The following JPH1 variants were observed in gnomAD, a reference collection of about 807,000 sequenced individuals.
JPH1 encodes junctophilin 1.
Under a neutral mutation model 53.6 loss-of-function variants are expected in JPH1, and 12 were observed. That is an observed-to-expected ratio of 0.22 (90% CI 0.14 to 0.36). The LOEUF is 0.36. Ranked by LOEUF, JPH1 falls within the 10% of genes least tolerant of loss-of-function variation. JPH1 has a pLI of 1.00. For missense variants in JPH1, 808 were observed against 905.5 expected (o/e 0.89, Z 1.38); for synonymous variants, 375 against 363.8 (o/e 1.03, Z -0.35).
At chr8:74,302,320 T>C (rs1360579890) in intron 2 of JPH1, among the ~76,000 whole-genome samples, 1 of 152,200 alleles carries the variant, frequency 6.6e-6, no homozygotes, top group Non-Finnish European at 1.5e-5. Flanking sequence ...TTACTGCAAA[T>C]TGCTAACTTT....
At chr8:74,271,575 C>T (rs1227168902) in intron 2 of JPH1, among the ~76,000 whole-genome samples, 1 of 152,196 alleles carries the variant, frequency 6.6e-6, no homozygotes, top group Admixed American at 6.5e-5. Context: ...TGAAAAATCC[C>T]CTTCCATTTA....
At chr8:74,293,921 C>T (rs1807417113) in intron 2 of JPH1, among the ~76,000 whole-genome samples, 1 of 152,202 alleles carries the variant, frequency 6.6e-6, no homozygotes, top group Non-Finnish European at 1.5e-5. Flanking sequence ...CAACCTCCCA[C>T]TCAAGAGCCA....
At chr8:74,302,486 C>G (rs887446415) in intron 2 of JPH1, among the ~76,000 whole-genome samples, 1 of 152,134 alleles carries the variant, frequency 6.6e-6, no homozygotes, top group Non-Finnish European at 1.5e-5. Context: ...ATTTTCTATG[C>G]TCTATTGATA....
At chr8:74,278,749 G>A (rs149060083) in intron 2 of JPH1, among the ~76,000 whole-genome samples, 3 of 152,216 alleles carry the variant, frequency 2.0e-5, no homozygotes, top group South Asian at 2.1e-4. Flanking sequence ...CTTCATGAGC[G>A]ATGACAGAGA....
intron 2 of JPH1, among the ~76,000 whole-genome samples, chr8:74,270,318 C>T (rs1422707379): frequency 6.6e-6 from 1 of 152,204 alleles, no homozygotes; most frequent in African/African-American, 2.4e-5. Context: ...AATATCAGAA[C>T]ATCATCTAGT....
intron 2 of JPH1, among the ~76,000 whole-genome samples, chr8:74,312,121 C>G (rs751476082): frequency 2.6e-5 from 4 of 152,138 alleles, no homozygotes; most frequent in Non-Finnish European, 2.9e-5. Flanking sequence ...AGGACTAAAA[C>G]AGTGAAGGTA....
chr8:74,262,376 G>C (rs978411869), intron 2 of JPH1, among the ~76,000 whole-genome samples: 4 of 152,156 alleles, frequency 2.6e-5, no homozygotes, highest in Admixed American at 1.3e-4. Context: ...CCTGTAATCA[G>C]TCAATTGCGA....
At chr8:74,318,587 T>A (rs747944086) in intron 1 of JPH1, among the ~76,000 whole-genome samples, 5 of 152,272 alleles carry the variant, frequency 3.3e-5, no homozygotes, top group Non-Finnish European at 7.4e-5. Flanking sequence ...CAACATGTAA[T>A]ACACAAATCA....
At chr8:74,318,807 T>C (rs79646270) in intron 1 of JPH1, among the ~76,000 whole-genome samples, 1 of 152,198 alleles carries the variant, frequency 6.6e-6, no homozygotes, top group African/African-American at 2.4e-5. Flanking sequence ...TTTAGTGATA[T>C]TCCTATTTTG....
intron 4 of JPH1, among the ~76,000 whole-genome samples, chr8:74,239,624 T>G (rs1805636807): frequency 6.6e-6 from 1 of 152,146 alleles, no homozygotes; most frequent in African/African-American, 2.4e-5. Flanking sequence ...ATGTCACAAC[T>G]GAGCACAGAG....
intron 2 of JPH1, among the ~76,000 whole-genome samples, chr8:74,298,991 T>A (rs1807597776): frequency 6.6e-6 from 1 of 152,152 alleles, no homozygotes; most frequent in African/African-American, 2.4e-5. Context: ...TAAGACCTAT[T>A]ACAAAAAGCC....
intron 4 of JPH1, among the ~76,000 whole-genome samples, chr8:74,240,853 T>G (rs1004234462): frequency 6.6e-6 from 1 of 152,200 alleles, no homozygotes; most frequent in African/African-American, 2.4e-5. Flanking sequence ...AACTCCCATT[T>G]CATAAATCCA....
intron 2 of JPH1, among the ~76,000 whole-genome samples, chr8:74,297,970 T>G (rs980291208): frequency 1.3e-5 from 2 of 152,238 alleles, no homozygotes; most frequent in South Asian, 4.1e-4. Context: ...AGCACAAAAA[T>G]AATTCTCTGC....
intron 2 of JPH1, among the ~76,000 whole-genome samples, chr8:74,287,145 A>G (rs1432879678): frequency 6.6e-6 from 1 of 152,098 alleles, no homozygotes; most frequent in Non-Finnish European, 1.5e-5. Context: ...GAATTACTGC[A>G]AGTTGGCTGG....
chr8:74,295,838 T>C (rs561078564), intron 2 of JPH1, among the ~76,000 whole-genome samples: 1 of 152,142 alleles, frequency 6.6e-6, no homozygotes, highest in Admixed American at 6.5e-5. Flanking sequence ...CCCCAGGTCA[T>C]GAGTCAAGAA....
At position 74,320,536 on chromosome 8, in the gene JPH1, G is replaced by A. The variant is rs1182419791; in HGVS notation, c.379+373C>T. ...GCGATTTCAAACCCGGCCGGGAGAG[G>A]GAGGGATCAGGAACGTAATGTGACG... On this transcript the variant is annotated intron_variant, in intron 1 of 5. Transcript: ENST00000342232. The surrounding 1 kb of genome is among the most constrained non-coding windows in gnomAD (Gnocchi z 4.4). Among the ~76,000 whole-genome samples, 1 of 152,142 alleles carries A rather than the reference G, an allele frequency of 6.6e-6. No homozygotes were observed. The highest frequency in any genetic ancestry group is 2.4e-5 in the African/African-American group (1 of 41,442).
At chr8:74,316,110 G>A (rs1808149658) in intron 1 of JPH1, among the ~76,000 whole-genome samples, 1 of 152,094 alleles carries the variant, frequency 6.6e-6, no homozygotes, top group South Asian at 2.1e-4. Flanking sequence ...GGCTTAAATC[G>A]GAATACTTGG....
At chr8:74,239,205 C>A (rs969299497) in intron 4 of JPH1, among the ~76,000 whole-genome samples, 12 of 150,716 alleles carry the variant, frequency 8.0e-5, no homozygotes, top group Admixed American at 1.3e-4. Context: ...TTTGTTTATT[C>A]TTCACAAGTG....
intron 4 of JPH1, 28 bp from the exon 5 acceptor site, chr8:74,237,331 AT>A: frequency 6.5e-7 from 1 of 1,533,882 alleles, no homozygotes; most frequent in Non-Finnish European, 9.0e-7. Flanking sequence ...CAAAGTAACT[AT>A]AACTTCTCCA....
Sources: allele counts gnomAD v4.1 joint callset (sites outside exome capture counted in the v4.1 genomes callset), GRCh38; gene constraint gnomAD v4.1.1; non-coding constraint Gnocchi (gnomAD v3.1); transcripts MANE v1.5; gene names NCBI Gene and HGNC (gene_info 2026-07-23, HGNC 2026-07-21).